Variants in NRXN1 observed in about 807,000 individuals in gnomAD.
The protein encoded by NRXN1 is neurexin 1, also known as neurexin-1.
In NRXN1, 39 loss-of-function variants were observed where a neutral mutation model predicts 150.9. The ratio of observed to expected loss-of-function variants is 0.26; its 90% confidence interval spans 0.20 to 0.34. The LOEUF is 0.34. Among genes scored for constraint, NRXN1 ranks in the 10% least tolerant of loss-of-function variants. NRXN1 has a pLI of 1.00. For missense variants in NRXN1, 1,815 were observed against 1,949.9 expected, an observed-to-expected ratio of 0.93 and a Z score of 1.30; for synonymous variants, 924 against 757.0, an observed-to-expected ratio of 1.22 and a Z score of -3.62.
chr2:50,539,565 G>A (rs61584460), intron 9 of NRXN1, among the ~76,000 whole-genome samples: 6,988 of 152,078 alleles, frequency 0.046, 189 homozygotes, highest in Middle Eastern at 0.12. Context: ...TGATCAAAAC[G>A]TGCATACACA....
chr2:50,890,618 C>T (rs1198403076), intron 5 of NRXN1, among the ~76,000 whole-genome samples: 3 of 151,656 alleles, frequency 2.0e-5, no homozygotes, highest in Admixed American at 6.6e-5. Flanking sequence ...TGTCAGACTA[C>T]GTTAAGTATG....
In NRXN1 at chr2:50,347,140, C is replaced by G. The variant is rs1261442761; in HGVS notation, c.3365-110170G>C. On this transcript the variant is annotated intron_variant, in intron 17 of 22. Coordinates refer to ENST00000401669, the MANE Select transcript of NRXN1 (RefSeq NM_001330078.2). This position sits in a 1 kb window ranked among gnomAD's most constrained non-coding sequence, Gnocchi z 4.9. ...CCTGGAGTCCGCCGTGCCTAGCACC[C>G]CAAACAATCCGAAACATAGCCGAGG... The G allele has an allele frequency of 2.2e-6, 3 of 1,382,058 alleles. No homozygotes were observed. Among genetic ancestry groups the G allele is most frequent in the Non-Finnish European group, 2.9e-6 (3 of 1,050,086 alleles). The allele number at this position is 1,382,058 out of a possible 1,614,324, so 85.6% of individuals were successfully genotyped here.
intron 10 of NRXN1, among the ~76,000 whole-genome samples, chr2:50,534,553 G>C (rs1002480863): frequency 6.6e-6 from 1 of 152,090 alleles, no homozygotes; most frequent in Non-Finnish European, 1.5e-5. Flanking sequence ...ATTCTAGAGA[G>C]AAAAATGCTT....
chr2:50,109,448 A>T (rs1184134115), intron 18 of NRXN1, among the ~76,000 whole-genome samples: 4 of 152,132 alleles, frequency 2.6e-5, no homozygotes, highest in African/African-American at 9.7e-5. Flanking sequence ...ATTTAGCCAA[A>T]AAAACCCCAC....
chr2:50,466,574 G>C, intron 16 of NRXN1: 2 of 449,076 alleles, frequency 4.5e-6, no homozygotes, highest in East Asian at 1.4e-4. Flanking sequence ...AGAATGTTCA[G>C]ATTCAAAAGG....
At chr2:50,796,727 A>C (rs770012871) in intron 5 of NRXN1, among the ~76,000 whole-genome samples, 1 of 152,202 alleles carries the variant, frequency 6.6e-6, no homozygotes, top group Non-Finnish European at 1.5e-5. Flanking sequence ...ATTAGTGATC[A>C]GATTTGTTAA....
At chr2:50,126,299 T>C (rs1449621479) in intron 18 of NRXN1, among the ~76,000 whole-genome samples, 4 of 152,074 alleles carry the variant, frequency 2.6e-5, no homozygotes, top group Admixed American at 2.6e-4. Flanking sequence ...CTGGCTATAA[T>C]TCACCTTCTC....
chr2:50,684,675 C>A (rs1690956145), intron 5 of NRXN1, among the ~76,000 whole-genome samples: 1 of 152,124 alleles, frequency 6.6e-6, no homozygotes, highest in Non-Finnish European at 1.5e-5. Context: ...CGCTAAGCAA[C>A]TGCATGGATT....
chr2:50,299,672 T>G (rs181025796), intron 17 of NRXN1, among the ~76,000 whole-genome samples: 2 of 152,270 alleles, frequency 1.3e-5, no homozygotes, highest in East Asian at 3.9e-4. Flanking sequence ...TTCAAATTGT[T>G]CTTTATTTTT....
intron 5 of NRXN1, among the ~76,000 whole-genome samples, chr2:50,840,676 G>A (rs1029076034): frequency 6.6e-6 from 1 of 152,124 alleles, no homozygotes; most frequent in Non-Finnish European, 1.5e-5. Context: ...AAGCGACATG[G>A]ACAAGTAAAA....
intron 21 of NRXN1, among the ~76,000 whole-genome samples, chr2:49,964,821 A>C: frequency 6.6e-6 from 1 of 152,332 alleles, no homozygotes; most frequent in Admixed American, 6.5e-5. Flanking sequence ...AGCCTGGGCA[A>C]CAAAAGCAAA....
At position 50,732,072 on chromosome 2, in the gene NRXN1, C is replaced by A. The variant is rs535385789; in HGVS notation, c.833-108457G>T. ...CATATATATGTACGTGACCAATGAA[C>A]TTAATATATATCACCTTTCAGGCTG... On this transcript the variant is annotated intron_variant, in intron 5 of 22. Coordinates refer to ENST00000401669, the MANE Select transcript of NRXN1 (RefSeq NM_001330078.2). Among the ~76,000 whole-genome samples, 3 of 152,268 alleles carry A rather than the reference C, an allele frequency of 2.0e-5. No individual in the cohort carries two copies. The East Asian group carries it at 5.8e-4, about 29-fold the overall frequency.
At chr2:50,465,304 A>T in intron 17 of NRXN1, 138 bp downstream of exon 17, 1 of 721,232 alleles carries the variant, frequency 1.4e-6, no homozygotes, top group Non-Finnish European at 2.0e-6. Context: ...TCCTTTCCGT[A>T]GAAACAACTG....
chr2:50,047,476 G>A (rs2152609973), intron 21 of NRXN1, among the ~76,000 whole-genome samples: 1 of 152,194 alleles, frequency 6.6e-6, no homozygotes, highest in East Asian at 1.9e-4. Flanking sequence ...ATATCTTGGT[G>A]TTGCTTTTGA....
chr2:49,934,502 G>A (rs1670667673), intron 22 of NRXN1, among the ~76,000 whole-genome samples: 2 of 152,156 alleles, frequency 1.3e-5, no homozygotes, highest in South Asian at 4.1e-4. Context: ...GCTGTCATGA[G>A]GCTATTTCTG....
At chr2:50,667,870 A>G (rs979337738) in intron 5 of NRXN1, among the ~76,000 whole-genome samples, 2 of 151,978 alleles carry the variant, frequency 1.3e-5, no homozygotes, top group African/African-American at 4.8e-5. Context: ...CCCAGTGACA[A>G]AGTTTACTAG....
chr2:50,491,432 C>T (rs750087173), intron 15 of NRXN1, among the ~76,000 whole-genome samples: 16 of 152,094 alleles, frequency 1.1e-4, no homozygotes, highest in Non-Finnish European at 1.9e-4. Context: ...TGATTAGGGA[C>T]ATTTAAGTGG....
intron 5 of NRXN1, among the ~76,000 whole-genome samples, chr2:50,857,154 G>T (rs1461368008): frequency 6.6e-6 from 1 of 152,076 alleles, no homozygotes; most frequent in African/African-American, 2.4e-5. Context: ...GCTTTGTTGA[G>T]AGATTATTTT....
intron 17 of NRXN1, among the ~76,000 whole-genome samples, chr2:50,345,880 C>T (rs1041478510): frequency 6.6e-6 from 1 of 152,226 alleles, no homozygotes; most frequent in Non-Finnish European, 1.5e-5. Context: ...GAAGTAAGAC[C>T]TCCCTGGTTC....
Sources: allele counts gnomAD v4.1 joint callset (sites outside exome capture counted in the v4.1 genomes callset), GRCh38; gene constraint gnomAD v4.1.1; non-coding constraint Gnocchi (gnomAD v3.1); transcripts MANE v1.5; gene names NCBI Gene and HGNC (gene_info 2026-07-23, HGNC 2026-07-21).